Variants in HSPG2 observed in about 807,000 individuals in gnomAD.
HSPG2 encodes the protein heparan sulfate proteoglycan 2.
In HSPG2, 278 loss-of-function variants were observed where a neutral mutation model predicts 526.6. That is an observed-to-expected ratio of 0.53 (90% CI 0.48 to 0.58). The LOEUF is 0.58. Among genes scored for constraint, HSPG2 ranks in the 20% least tolerant of loss-of-function variants. The pLI is 0.00. For synonymous variants in HSPG2, 2,465 were observed against 2,555.4 expected (o/e 0.96, Z 1.07); for missense variants, 5,354 against 6,099.5 (o/e 0.88, Z 4.07).
rs1359288485 is a variant in HSPG2 at position 21,898,060 on chromosome 1, A to C, written c.64-1750T>G. Among the ~76,000 whole-genome samples, 6 of 152,150 alleles carry C rather than the reference A, an allele frequency of 3.9e-5. No homozygotes were observed. ...CCTTTTCTGCACCCTGTGCTCAATA[A>C]ATACTTGAATGAATGAATAAATGAA... is the stretch of plus-strand genomic sequence containing the variant. On this transcript the variant is annotated intron_variant, in intron 1 of 96. Transcript: ENST00000374695. This position sits in a 1 kb window ranked among gnomAD's most constrained non-coding sequence, Gnocchi z 4.0.
chr1:21,896,638 T>C (rs1572398530), intron 1 of HSPG2, among the ~76,000 whole-genome samples: 1 of 150,418 alleles, frequency 6.6e-6, no homozygotes, highest in African/African-American at 2.5e-5. Flanking sequence ...AGGACATGAG[T>C]GAGTGGATGG....
intron 65 of HSPG2, 62 bp from the exon 66 acceptor site, chr1:21,843,500 T>C: frequency 1.9e-6 from 3 of 1,550,400 alleles, no homozygotes; most frequent in South Asian, 1.2e-5. Flanking sequence ...CCCAGGCCTC[T>C]GGTACCCACA....
At position 21,835,741 on chromosome 1, in the gene HSPG2, T is replaced by C. The variant is rs962759523; in HGVS notation, c.10356-104A>G. 1.0e-4 allele frequency: 83 copies of C among 826,366 alleles called. No individual in the cohort carries two copies. In the African/African-American group the frequency reaches 1.3e-3, roughly 13 times the overall value. 51.2% of individuals were successfully genotyped at this position (826,366 alleles called of 1,614,324 possible). On this transcript the variant is annotated intron_variant, in intron 75 of 96. Transcript: ENST00000374695. Reference sequence around the variant, plus strand: ...GCTCACGCCTGTAATCCCAGCACTTTGGGAGGCTGAGGCAGGCGCATCACT... The same window carrying C: ...GCTCACGCCTGTAATCCCAGCACTTCGGGAGGCTGAGGCAGGCGCATCACT...
chr1:21,926,168 A>G (rs1644185597), intron 1 of HSPG2, among the ~76,000 whole-genome samples: 1 of 152,134 alleles, frequency 6.6e-6, no homozygotes, highest in South Asian at 2.1e-4. Flanking sequence ...TGCAAAATGG[A>G]GATATAATGC....
chr1:21,863,563 C>T (rs1249916194), intron 37 of HSPG2, among the ~76,000 whole-genome samples: 1 of 151,500 alleles, frequency 6.6e-6, no homozygotes. Flanking sequence ...ATACATGCTA[C>T]TCTGAAAAGT....
rs1304435274 is a variant in HSPG2 at position 21,847,593 on chromosome 1, G to C, written c.8025+96C>G. 6.2e-7 allele frequency: 1 copy of C among 1,604,086 alleles called. No homozygotes were observed. The highest frequency in any genetic ancestry group is 8.5e-7 in the Non-Finnish European group (1 of 1,172,984). On this transcript the variant is annotated intron_variant, in intron 61 of 96. Coordinates refer to ENST00000374695, the MANE Select transcript of HSPG2 (RefSeq NM_005529.7). This position sits in a 1 kb window ranked among gnomAD's most constrained non-coding sequence, Gnocchi z 4.1. ...TGCTCAGCCTGTTGAGGCTGCTATCGGTCTACCCAGGGCCCAATCCGTGAG... is the reference window on the plus strand; with the variant it reads ...TGCTCAGCCTGTTGAGGCTGCTATCCGTCTACCCAGGGCCCAATCCGTGAG...
intron 9 of HSPG2, among the ~76,000 whole-genome samples, chr1:21,886,644 G>A (rs1022519080): frequency 6.6e-6 from 1 of 152,178 alleles, no homozygotes; most frequent in African/African-American, 2.4e-5. Context: ...GGAAAAGATG[G>A]ATACCACAAG....
chr1:21,879,170 C>T (rs1641320587), intron 17 of HSPG2, 49 bp from the exon 18 acceptor site: 1 of 1,611,538 alleles, frequency 6.2e-7, no homozygotes, highest in Non-Finnish European at 8.5e-7. Flanking sequence ...AGAACTGGGC[C>T]AGATGCTGCG....
chr1:21,880,646 C>A lies in HSPG2; in HGVS notation c.1998+10G>T, dbSNP rs759949207. Reference sequence around the variant, plus strand: ...TTGCTCCCAGCCCTAAGGGCTCAGGCGCCACCCACCTCAGAGAACTGGACC... The same window carrying A: ...TTGCTCCCAGCCCTAAGGGCTCAGGAGCCACCCACCTCAGAGAACTGGACC... On this transcript the variant is annotated intron_variant, in intron 15 of 96. Coordinates refer to ENST00000374695, the MANE Select transcript of HSPG2 (RefSeq NM_005529.7). 1 of 1,592,560 alleles carries A rather than the reference C, an allele frequency of 6.3e-7. No homozygotes were observed. The highest frequency in any genetic ancestry group is 1.8e-5 in the Admixed American group (1 of 56,320).
rs372575835 is a variant in HSPG2 at position 21,892,229 on chromosome 1, C to T, written c.245-1535G>A. On this transcript the variant is annotated intron_variant, in intron 3 of 96. Coordinates refer to ENST00000374695, the MANE Select transcript of HSPG2 (RefSeq NM_005529.7). ...TCCTGGGTGCCGGGTGGGCGGGGCT[C>T]TGTGGGCTGGAGTGTGGGGGCCATG... Among the ~76,000 whole-genome samples, 26 of 152,376 alleles carry T rather than the reference C, an allele frequency of 1.7e-4. No individual in the cohort carries two copies. In the East Asian group the frequency reaches 4.8e-3, roughly 28 times the overall value.
chr1:21,875,979 G>A lies in HSPG2; in HGVS notation c.3067C>T (p.Pro1023Ser). 2 of 1,614,216 alleles carry A rather than the reference G, an allele frequency of 1.2e-6. No homozygotes were observed. The highest frequency in any genetic ancestry group is 1.7e-6 in the Non-Finnish European group (2 of 1,180,026). Residue 1023 changes from proline (P) to serine (S), a missense_variant, in exon 24 of 97, where the codon CCC becomes TCC. Pro to Ser is a moderately conservative substitution (Grantham distance 74, BLOSUM62 -1). Coordinates refer to ENST00000374695, the MANE Select transcript of HSPG2 (RefSeq NM_005529.7). ...ACCACCAACGGCTGCCCGTGCAGGG[G>A]TGTGGAGCCCGGCTGGGACCTCTGG... ...VTQRSQPGSTPLHGQPLVVLQ... is the reference protein window; with the variant it reads ...VTQRSQPGSTSLHGQPLVVLQ...
At chr1:21,917,476 AAT>A in intron 1 of HSPG2, among the ~76,000 whole-genome samples, 1 of 143,006 alleles carries the variant, frequency 7.0e-6, no homozygotes, top group Non-Finnish European at 1.6e-5. Context: ...TAAATAAATA[AAT>A]AAATAAAAAT....
At chr1:21,842,976 G>A in intron 66 of HSPG2, 55 bp from the exon 67 acceptor site, 1 of 1,601,264 alleles carries the variant, frequency 6.2e-7, no homozygotes. Flanking sequence ...CAAGGCAGGG[G>A]CTGAAGGTGG....
intron 54 of HSPG2, 24 bp from the exon 55 acceptor site, chr1:21,851,721 T>C: frequency 6.2e-7 from 1 of 1,613,900 alleles, no homozygotes; most frequent in Non-Finnish European, 8.5e-7. Context: ...TGGTCACCGG[T>C]CACTCCTGTT....
chr1:21,899,614 T>C (rs992312980), intron 1 of HSPG2, among the ~76,000 whole-genome samples: 1 of 152,112 alleles, frequency 6.6e-6, no homozygotes, highest in Non-Finnish European at 1.5e-5. Flanking sequence ...ACCAGGGGTA[T>C]GCAATGAAGC....
chr1:21,873,914 C>G lies in HSPG2; in HGVS notation c.3743+11G>C. The G allele has an allele frequency of 6.4e-7, 1 of 1,570,938 alleles. No individual in the cohort carries two copies. Among genetic ancestry groups the G allele is most frequent in the Non-Finnish European group, 8.6e-7 (1 of 1,157,184 alleles). Reference sequence around the variant, plus strand: ...TGCGCATCCCCCCACCCTCTCCACCCCCTGCCTCACCTCTCACAGTGACGC... The same window carrying G: ...TGCGCATCCCCCCACCCTCTCCACCGCCTGCCTCACCTCTCACAGTGACGC... On this transcript the variant is annotated intron_variant, in intron 29 of 96. Transcript: ENST00000374695.
In HSPG2 at chr1:21,878,179, C is replaced by G. The variant is rs376436752; in HGVS notation, c.2685+7G>C. 1 of 1,613,376 alleles carries G rather than the reference C, an allele frequency of 6.2e-7. No individual in the cohort carries two copies. Among genetic ancestry groups the G allele is most frequent in the South Asian group, 1.1e-5 (1 of 91,022 alleles). On this transcript the variant is annotated splice_region_variant and intron_variant, in intron 21 of 96. Coordinates refer to ENST00000374695, the MANE Select transcript of HSPG2 (RefSeq NM_005529.7). ...GCCCCTGGGTGGGTGGCAGATGGCA[C>G]GCGTACCTTACAGCGGCAGGCCTCC...
At chr1:21,875,552 G>T in intron 25 of HSPG2, 77 bp downstream of exon 25, 1 of 1,047,464 alleles carries the variant, frequency 9.5e-7, no homozygotes, top group African/African-American at 1.6e-5. Flanking sequence ...GTCTGTAAGT[G>T]GCTGTGCTGT....
chr1:21,916,973 C>T (rs960427577), intron 1 of HSPG2, among the ~76,000 whole-genome samples: 18 of 152,182 alleles, frequency 1.2e-4, no homozygotes, highest in East Asian at 5.8e-4. Context: ...AGGCTGGAAA[C>T]GGCTAACGGA....
Sources: allele counts gnomAD v4.1 joint callset (sites outside exome capture counted in the v4.1 genomes callset), GRCh38; gene constraint gnomAD v4.1.1; non-coding constraint Gnocchi (gnomAD v3.1); transcripts MANE v1.5; gene names NCBI Gene and HGNC (gene_info 2026-07-23, HGNC 2026-07-21).